The following SPTBN5 variants were observed in gnomAD, a reference collection of about 807,000 sequenced individuals.
The protein encoded by SPTBN5 is spectrin beta, non-erythrocytic 5, also known as spectrin beta chain, non-erythrocytic 5.
SPTBN5 carries 513 observed loss-of-function variants against 477.6 expected under a neutral mutation model. The observed-to-expected ratio is 1.07, with a 90% confidence interval of 1.00 to 1.16. SPTBN5 has a LOEUF of 1.16. Ranked by LOEUF, SPTBN5 falls within the 50% of genes most tolerant of loss-of-function variation. The probability of loss-of-function intolerance (pLI) is 0.00; values close to 1 mark genes in which losing one functional copy is unlikely to be tolerated. For missense variants in SPTBN5, 5,062 were observed against 4,731.8 expected, an observed-to-expected ratio of 1.07 and a Z score of -2.05; for synonymous variants, 2,169 against 2,011.7, an observed-to-expected ratio of 1.08 and a Z score of -2.09.
chr15:41,856,807 A>G (rs1251760429), intron 52 of SPTBN5, 46 bp downstream of exon 52: 2 of 1,504,302 alleles, frequency 1.3e-6, no homozygotes, highest in South Asian at 1.2e-5. Context: ...TTGGCTGAGA[A>G]GCCCTGCTCA....
At chr15:41,858,264 C>T (rs1490008041) in intron 49 of SPTBN5, among the ~76,000 whole-genome samples, 1 of 152,202 alleles carries the variant, frequency 6.6e-6, no homozygotes. Context: ...TGCCACTGCA[C>T]TCCAGCCTGG....
At chr15:41,848,820 C>T (rs1595431293) in intron 67 of SPTBN5, among the ~76,000 whole-genome samples, 192 bp from the exon 68 acceptor site, 2 of 152,288 alleles carry the variant, frequency 1.3e-5, no homozygotes, top group African/African-American at 4.8e-5. Flanking sequence ...TGGGAGTTGC[C>T]TCGACTTTCA....
rs561499101 is a variant in SPTBN5, at chr15:41,849,973, G to A, written c.10922-14C>T. On this transcript the variant is annotated splice_polypyrimidine_tract_variant and intron_variant, in intron 66 of 67. Coordinates refer to ENST00000320955, the MANE Select transcript of SPTBN5 (RefSeq NM_016642.4). Reference sequence around the variant, plus strand: ...TCAGACTCTGGGCTGCAGAGCAAGGGAATAACCACTGTTAGCCCGGCCCAG... The same window carrying A: ...TCAGACTCTGGGCTGCAGAGCAAGGAAATAACCACTGTTAGCCCGGCCCAG... 7.6e-6 allele frequency: 12 copies of A among 1,574,080 alleles called. No individual in the cohort carries two copies. The Admixed American group carries it at 1.1e-4, about 14-fold the overall frequency.
chr15:41,884,858 A>C (rs148399039), intron 7 of SPTBN5, among the ~76,000 whole-genome samples: 3 of 152,304 alleles, frequency 2.0e-5, no homozygotes, highest in African/African-American at 7.2e-5. Flanking sequence ...GTGCTCGCCT[A>C]AAAGGACACT....
chr15:41,863,705 T>C lies in SPTBN5; in HGVS notation c.7148A>G (p.Lys2383Arg), dbSNP rs2066198348. The stretch of plus-strand genomic sequence containing the variant: ...CCGGGACCTCTTTCCACCACGTACC[T>C]TCTCCTGAATCCTCTTGGTGACATT... The part of the protein sequence containing the change: ...LDNVTKRIQE[K>R]EALIQALDCG... The change falls in exon 41 of 68, where the codon AAG becomes AGG. Residue 2383 changes from lysine to arginine, a missense_variant and splice_region_variant. Transcript: ENST00000320955. 1 of 1,612,580 alleles carries C rather than the reference T, an allele frequency of 6.2e-7. No homozygotes were observed. The highest frequency in any genetic ancestry group is 8.5e-7 in the Non-Finnish European group (1 of 1,179,194).
At position 41,886,111 on chromosome 15, in the gene SPTBN5, G is replaced by A. The variant is rs771699312; in HGVS notation, c.1144C>T (p.Arg382Cys). Residue 382 changes from arginine to cysteine, a missense_variant, in exon 7 of 68, where the codon CGC (arginine) becomes TGC (cysteine). Physicochemically the swap from Arg to Cys is radical, Grantham distance 180. Transcript: ENST00000320955. ...CCCTCATGAGGCAGGAAGGGCCTGC[G>A]GTTCTGGGCTTGGAGTGCTGTCTGT... ...RLQTALQAQN[R>C]RPFLPHEGLG... 6.8e-6 allele frequency: 11 copies of A among 1,610,018 alleles called. No individual in the cohort carries two copies. The highest frequency in any genetic ancestry group is 1.7e-5 in the Admixed American group (1 of 59,790).
rs1343215468 is a variant in SPTBN5, at chr15:41,858,935, C to A, written c.8034G>T (p.Leu2678=). The A allele has an allele frequency of 6.3e-7, 1 of 1,595,522 alleles. No homozygotes were observed. Among genetic ancestry groups the A allele is most frequent in the South Asian group, 1.1e-5 (1 of 89,384 alleles). The change falls in exon 48 of 68, where the codon CTG becomes CTT. Residue 2678 remains leucine, a synonymous_variant. Coordinates refer to ENST00000320955, the MANE Select transcript of SPTBN5 (RefSeq NM_016642.4). The part of the protein sequence containing the change: ...FRQAGTRRHR[L]EELRQLQAFL... The stretch of plus-strand genomic sequence containing the variant: ...AGGCCTGCAGCTGCCGGAGCTCCTC[C>A]AGGCGATGGCGGCGGGTCCCGGCTT...
chr15:41,891,841 G>A (rs1460919847), intron 3 of SPTBN5, among the ~76,000 whole-genome samples: 1 of 152,200 alleles, frequency 6.6e-6, no homozygotes, highest in South Asian at 2.1e-4. Context: ...CTAGACCACA[G>A]TTGCCTCCTA....
At chr15:41,861,376 T>G in intron 46 of SPTBN5, 43 bp downstream of exon 46, 2 of 1,551,286 alleles carry the variant, frequency 1.3e-6, no homozygotes, top group Non-Finnish European at 1.8e-6. Context: ...CTAATGCTGC[T>G]CTGGTAATTC....
chr15:41,882,792 G>A, intron 9 of SPTBN5, 54 bp from the exon 10 acceptor site: 1 of 1,573,750 alleles, frequency 6.4e-7, no homozygotes, highest in Middle Eastern at 1.7e-4. Context: ...GGCATGGGCA[G>A]TGGGTTCCCC....
At chr15:41,883,604 G>A in intron 7 of SPTBN5, 118 bp from the exon 8 acceptor site, 6 of 1,250,396 alleles carry the variant, frequency 4.8e-6, no homozygotes, top group Non-Finnish European at 6.7e-6. Flanking sequence ...CCATGGCTGG[G>A]GCAAGGTCTA....
At chr15:41,874,548 G>T (rs1380368177) in intron 23 of SPTBN5, 70 bp from the exon 24 acceptor site, 19 of 1,294,158 alleles carry the variant, frequency 1.5e-5, no homozygotes, top group Non-Finnish European at 1.8e-5. Context: ...TTCTTTCCTT[G>T]GCCAAGCCAG....
At chr15:41,871,069 G>A (rs113485261) in intron 29 of SPTBN5, among the ~76,000 whole-genome samples, 5,382 of 152,332 alleles carry the variant, frequency 0.035, 172 homozygotes, top group South Asian at 0.052. Flanking sequence ...GGGCTGTCCC[G>A]AGTGAGCACA....
chr15:41,865,945 G>T, intron 38 of SPTBN5, 42 bp from the exon 39 acceptor site: 1 of 1,548,236 alleles, frequency 6.5e-7, no homozygotes, highest in Non-Finnish European at 8.7e-7. Context: ...GTGAGCACCA[G>T]CCCAGGCTCC....
At chr15:41,891,205 C>T (rs2140972377) in intron 3 of SPTBN5, among the ~76,000 whole-genome samples, 1 of 152,300 alleles carries the variant, frequency 6.6e-6, no homozygotes, top group East Asian at 1.9e-4. Context: ...AGGGGAGTGG[C>T]ACACAGCAGG....
intron 45 of SPTBN5, 116 bp from the exon 46 acceptor site, chr15:41,861,612 G>A: frequency 6.6e-7 from 1 of 1,504,742 alleles, no homozygotes; most frequent in Admixed American, 1.9e-5. Context: ...CAGGAGTGCT[G>A]AGTGGTGGGG....
At position 41,865,815 on chromosome 15, in the gene SPTBN5, G is replaced by A. The variant is rs201316387; in HGVS notation, c.6911C>T (p.Ser2304Leu). 148 of 1,560,264 alleles carry A rather than the reference G, an allele frequency of 9.5e-5. No individual in the cohort carries two copies. In the African/African-American group the frequency reaches 1.3e-3, roughly 14 times the overall value. The change falls in exon 39 of 68, where the codon TCG becomes TTG. Residue 2304 changes from serine (S) to leucine (L), a missense_variant. Ser to Leu is a moderately radical substitution (Grantham distance 145, BLOSUM62 -2). Transcript: ENST00000320955. ...CCAGCAAGGCCCTCTTACCCCGGCCGAGTTTCCTCGGAACTCGCGGAGCCG... is the reference window on the plus strand; with the variant it reads ...CCAGCAAGGCCCTCTTACCCCGGCCAAGTTTCCTCGGAACTCGCGGAGCCG... ...RRRLREFRGN[S>L]AGDTVGDACI... is the part of the protein sequence containing the mutation.
At chr15:41,856,312 C>T (rs1250487497) in intron 53 of SPTBN5, 74 bp downstream of exon 53, 43 of 1,360,716 alleles carry the variant, frequency 3.2e-5, no homozygotes, top group Non-Finnish European at 3.7e-5. Context: ...CCAGGAGCCC[C>T]GGAGTGACCT....
At chr15:41,876,978 T>G in intron 18 of SPTBN5, 30 bp from the exon 19 acceptor site, 1 of 1,588,540 alleles carries the variant, frequency 6.3e-7, no homozygotes. Context: ...AGGTCATGCC[T>G]GGGAGAATGG....
Sources: allele counts gnomAD v4.1 joint callset (sites outside exome capture counted in the v4.1 genomes callset), GRCh38; gene constraint gnomAD v4.1.1; transcripts MANE v1.5; gene names NCBI Gene and HGNC (gene_info 2026-07-23, HGNC 2026-07-21).